The following LHFPL3 variants were observed in gnomAD, a reference collection of about 807,000 sequenced individuals.
LHFPL3 encodes LHFPL tetraspan subfamily member 3.
A neutral mutation model predicts 19.3 loss-of-function variants in LHFPL3; 5 were observed. That is an observed-to-expected ratio of 0.26 (90% CI 0.14 to 0.54). LHFPL3 has a LOEUF of 0.54. Ranked by LOEUF, LHFPL3 falls within the 20% of genes least tolerant of loss-of-function variation. The probability of loss-of-function intolerance (pLI) is 0.94; values close to 1 mark genes in which losing one functional copy is unlikely to be tolerated. For missense variants in LHFPL3, 249 were observed against 307.4 expected (o/e 0.81, Z 1.42); for synonymous variants, 133 against 126.2 (o/e 1.05, Z -0.36).
intron 1 of LHFPL3, among the ~76,000 whole-genome samples, chr7:104,576,045 CG>C (rs1431913045): frequency 3.9e-4 from 60 of 151,942 alleles, no homozygotes; most frequent in Non-Finnish European, 3.1e-4. Flanking sequence ...GCCTAATTTA[CG>C]TTTGACATTC....
intron 2 of LHFPL3, among the ~76,000 whole-genome samples, chr7:104,896,590 T>C (rs1341361381): frequency 6.6e-6 from 1 of 151,994 alleles, no homozygotes; most frequent in Non-Finnish European, 1.5e-5. Context: ...GTTAGAAAAC[T>C]GGAGGAAGGG....
At chr7:104,603,098 CTTT>C (rs1791008928) in intron 1 of LHFPL3, among the ~76,000 whole-genome samples, 2 of 135,804 alleles carry the variant, frequency 1.5e-5, no homozygotes, top group African/African-American at 5.7e-5. Flanking sequence ...TTCTTTCTTT[CTTT>C]CTTTCTTTCT....
intron 2 of LHFPL3, among the ~76,000 whole-genome samples, chr7:104,783,111 G>A (rs577619010): frequency 6.1e-4 from 93 of 152,304 alleles, no homozygotes; most frequent in African/African-American, 2.2e-3. Flanking sequence ...TTCAGACTAG[G>A]GAATCAGAAA....
chr7:104,482,366 C>G (rs2115661492), intron 1 of LHFPL3, among the ~76,000 whole-genome samples: 1 of 152,306 alleles, frequency 6.6e-6, no homozygotes, highest in African/African-American at 2.4e-5. Context: ...TAGAAGCCCT[C>G]TTGTGGGGTC....
chr7:104,747,404 A>G (rs1794068477), intron 2 of LHFPL3, among the ~76,000 whole-genome samples: 2 of 152,220 alleles, frequency 1.3e-5, no homozygotes, highest in African/African-American at 4.8e-5. Context: ...GATTCTGCCC[A>G]GGCAGAAGAA....
intron 1 of LHFPL3, among the ~76,000 whole-genome samples, chr7:104,567,403 T>C (rs1319045220): frequency 2.6e-5 from 4 of 152,330 alleles, no homozygotes; most frequent in East Asian, 1.9e-4. Flanking sequence ...ACTTTGGATA[T>C]ACCCATGTGT....
chr7:104,758,830 T>G (rs1794328607), intron 2 of LHFPL3, among the ~76,000 whole-genome samples: 1 of 152,094 alleles, frequency 6.6e-6, no homozygotes, highest in Non-Finnish European at 1.5e-5. Flanking sequence ...CCCATAGGGT[T>G]GGGTTCTTAA....
rs1584293662 is a variant in LHFPL3, at chr7:104,399,675, T to C, written c.445+70451T>C. 6.8e-6 allele frequency among the ~76,000 whole-genome samples: 1 copy of C among 147,852 alleles called. No homozygotes were observed. Among genetic ancestry groups the C allele is most frequent in the South Asian group, 2.2e-4 (1 of 4,480 alleles). ...TTTTGGTAGAGACGGGGTTTCACCA[T>C]ATTGGCCAGGCTGGTCTTGAACTCC... On this transcript the variant is annotated intron_variant, in intron 1 of 2. Coordinates refer to ENST00000424859, the MANE Select transcript of LHFPL3 (RefSeq NM_199000.3). The surrounding 1 kb of genome is among the most constrained non-coding windows in gnomAD (Gnocchi z 4.4).
intron 2 of LHFPL3, chr7:104,895,642 C>T (rs1044755571): frequency 1.3e-5 from 2 of 152,130 alleles, no homozygotes; most frequent in Non-Finnish European, 1.5e-5. Flanking sequence ...TATACAGAAC[C>T]GGGATTTCTA....
intron 1 of LHFPL3, among the ~76,000 whole-genome samples, chr7:104,593,087 G>T (rs149766622): frequency 2.0e-5 from 3 of 152,060 alleles, no homozygotes; most frequent in African/African-American, 7.2e-5. Context: ...CTAGCTTTTG[G>T]ATGTGCTTGC....
intron 1 of LHFPL3, among the ~76,000 whole-genome samples, chr7:104,557,941 T>C (rs1470865219): frequency 6.6e-6 from 1 of 150,966 alleles, no homozygotes; most frequent in Non-Finnish European, 1.5e-5. Context: ...TGGTTTTTTG[T>C]TCTTGCGATA....
intron 1 of LHFPL3, among the ~76,000 whole-genome samples, chr7:104,599,252 C>G (rs1790920538): frequency 6.6e-6 from 1 of 152,184 alleles, no homozygotes; most frequent in South Asian, 2.1e-4. Flanking sequence ...TTTATAAACA[C>G]ATAAATATAG....
At chr7:104,878,591 G>A (rs117606704) in intron 2 of LHFPL3, among the ~76,000 whole-genome samples, 2 of 152,146 alleles carry the variant, frequency 1.3e-5, no homozygotes, top group Non-Finnish European at 2.9e-5. Flanking sequence ...TATTCCATGA[G>A]ATACAACAAT....
chr7:104,474,701 A>AG (rs1178473394), intron 1 of LHFPL3, among the ~76,000 whole-genome samples: 6 of 151,356 alleles, frequency 4.0e-5, no homozygotes, highest in African/African-American at 1.5e-4. Context: ...AAAAAAAAAA[A>AG]AAAAAAAGAA....
chr7:104,830,690 A>T (rs1237659908), intron 2 of LHFPL3, among the ~76,000 whole-genome samples: 1 of 151,884 alleles, frequency 6.6e-6, no homozygotes, highest in Non-Finnish European at 1.5e-5. Context: ...CCATTAATCT[A>T]TATCTCTGTT....
chr7:104,690,554 C>T (rs1442946430), intron 1 of LHFPL3, among the ~76,000 whole-genome samples: 1 of 152,212 alleles, frequency 6.6e-6, no homozygotes, highest in Non-Finnish European at 1.5e-5. Context: ...TTACTGATGA[C>T]ATATTTGCGT....
At chr7:104,596,647 T>A (rs1473202957) in intron 1 of LHFPL3, among the ~76,000 whole-genome samples, 2 of 152,202 alleles carry the variant, frequency 1.3e-5, no homozygotes, top group Non-Finnish European at 2.9e-5. Flanking sequence ...AACAGAAAAC[T>A]CTTCAATAAA....
intron 2 of LHFPL3, among the ~76,000 whole-genome samples, chr7:104,868,141 G>T (rs868809986): frequency 0.032 from 4,776 of 149,932 alleles, 118 homozygotes; most frequent in Non-Finnish European, 0.05. Context: ...GGGCAAAAAC[G>T]GGAAGCATTC....
At chr7:104,791,768 T>G (rs1461466629) in intron 2 of LHFPL3, among the ~76,000 whole-genome samples, 1 of 152,156 alleles carries the variant, frequency 6.6e-6, no homozygotes, top group Non-Finnish European at 1.5e-5. Context: ...TTGAAAATAT[T>G]GTTCCCCCAG....
Sources: gnomAD v4.1 joint callset for allele counts (sites outside exome capture counted in the v4.1 genomes callset) on GRCh38, gnomAD v4.1.1 for gene constraint, Gnocchi (gnomAD v3.1) non-coding constraint, MANE v1.5 for transcripts, NCBI Gene and HGNC (gene_info 2026-07-23, HGNC 2026-07-21) for gene names.